Variants in UGT1A10 observed in about 807,000 individuals in gnomAD.
UGT1A10 encodes UDP glucuronosyltransferase family 1 member A10, also known as UDP-glucuronosyltransferase 1A10.
In UGT1A10, 49 loss-of-function variants were observed where a neutral mutation model predicts 45.8. The observed-to-expected ratio is 1.07, with a 90% confidence interval of 0.85 to 1.36. The LOEUF (loss-of-function observed/expected upper bound fraction) is 1.36. UGT1A10 is among the 40% of genes most tolerant of loss of function. UGT1A10 has a pLI of 0.00. For synonymous variants in UGT1A10, 284 were observed against 249.7 expected, an observed-to-expected ratio of 1.14 and a Z score of -1.29; for missense variants, 745 against 668.6, an observed-to-expected ratio of 1.11 and a Z score of -1.26.
rs557040072 is a variant in UGT1A10 at position 233,724,531 on chromosome 2, C to A, written c.856-42503C>A. ...CCTCACCTCCCAGATGGGGTCTCGCCGGGCAGAGGCGCTCCTCACATCCCA... is the reference window on the plus strand; with the variant it reads ...CCTCACCTCCCAGATGGGGTCTCGCAGGGCAGAGGCGCTCCTCACATCCCA... On this transcript the variant is annotated intron_variant, in intron 1 of 4. Transcript: ENST00000344644. 8.8e-3 allele frequency among the ~76,000 whole-genome samples: 1,074 copies of A among 121,634 alleles called. 62 individuals carry two copies. Among genetic ancestry groups the A allele is most frequent in the African/African-American group, 0.033 (990 of 29,780 alleles). 79.8% of individuals were successfully genotyped at this position (121,634 alleles called of 152,430 possible). A position where few individuals can be genotyped will look rare whatever the true frequency, so the allele number is the denominator to read the frequency against.
intron 1 of UGT1A10, chr2:233,692,742 A>T: frequency 9.6e-7 from 1 of 1,038,220 alleles, no homozygotes. Flanking sequence ...AGAGAGGGAG[A>T]AGCAGACTTG....
At chr2:233,661,729 C>T (rs1191852068) in intron 1 of UGT1A10, among the ~76,000 whole-genome samples, 10 of 134,838 alleles carry the variant, frequency 7.4e-5, no homozygotes, top group East Asian at 6.6e-4. Flanking sequence ...TTTTAATGAT[C>T]GCCAACCACA....
chr2:233,653,066 C>T (rs544006947), intron 1 of UGT1A10, among the ~76,000 whole-genome samples: 1 of 152,264 alleles, frequency 6.6e-6, no homozygotes, highest in African/African-American at 2.4e-5. Flanking sequence ...CATGTACGTG[C>T]CTGACATGGA....
intron 1 of UGT1A10, chr2:233,718,998 G>A: frequency 1.9e-6 from 3 of 1,614,266 alleles, no homozygotes; most frequent in Non-Finnish European, 2.5e-6. Flanking sequence ...CCAGGCGGTG[G>A]TCCTCACCCC....
Position 233,767,220 on chromosome 2 carries a change from C to T in UGT1A10, c.987+55C>T. 2.5e-6 allele frequency: 4 copies of T among 1,611,656 alleles called. No individual in the cohort carries two copies. In the South Asian group the frequency reaches 4.4e-5, roughly 18 times the overall value. ...TCTATTTTCACAGGAGCGCTAATCC[C>T]AGACTTCCAGCTTCCAGATTAATTC... On this transcript the variant is annotated intron_variant, in intron 2 of 4. Coordinates refer to ENST00000344644, the MANE Select transcript of UGT1A10 (RefSeq NM_019075.4).
rs45516494 is a variant in UGT1A10 at position 233,719,303 on chromosome 2, G to A, written c.856-47731G>A. 3.5e-4 allele frequency: 567 copies of A among 1,613,968 alleles called. 2 individuals carry two copies. In the African/African-American group the frequency reaches 6.9e-3, roughly 20 times the overall value. ...CCGTTAACCTCTGTGGGGCGGTGCTGGCTAAGTACCTGTCGATTCCTGCTG... is the reference window on the plus strand; with the variant it reads ...CCGTTAACCTCTGTGGGGCGGTGCTAGCTAAGTACCTGTCGATTCCTGCTG... On this transcript the variant is annotated intron_variant, in intron 1 of 4. Transcript: ENST00000344644.
intron 1 of UGT1A10, chr2:233,744,109 G>C: frequency 2.5e-6 from 1 of 395,016 alleles, no homozygotes; most frequent in Non-Finnish European, 4.6e-6. Context: ...GACTGGCCCT[G>C]CTCTCTGTGA....
intron 1 of UGT1A10, among the ~76,000 whole-genome samples, chr2:233,739,926 A>G (rs1487240865): frequency 2.0e-5 from 3 of 151,650 alleles, no homozygotes; most frequent in Non-Finnish European, 4.4e-5. Context: ...CATAATCCCC[A>G]TGTGTTAAGG....
At chr2:233,665,840 A>G (rs1368608687) in intron 1 of UGT1A10, among the ~76,000 whole-genome samples, 1 of 152,204 alleles carries the variant, frequency 6.6e-6, no homozygotes, top group Non-Finnish European at 1.5e-5. Flanking sequence ...GTGTATGGTT[A>G]CCTTTTTAAG....
At chr2:233,641,598 G>C (rs1442262902) in intron 1 of UGT1A10, among the ~76,000 whole-genome samples, 1 of 152,176 alleles carries the variant, frequency 6.6e-6, no homozygotes, top group African/African-American at 2.4e-5. Flanking sequence ...ACTATTACCA[G>C]TGAGTTTTGT....
chr2:233,728,301 G>T (rs1339327162), intron 1 of UGT1A10, among the ~76,000 whole-genome samples: 6 of 152,216 alleles, frequency 3.9e-5, no homozygotes, highest in Non-Finnish European at 8.8e-5. Context: ...AATTCAGACT[G>T]TGCAAGATCT....
At chr2:233,705,132 G>A (rs1332682546) in intron 1 of UGT1A10, among the ~76,000 whole-genome samples, 13 of 103,146 alleles carry the variant, frequency 1.3e-4, no homozygotes, top group Non-Finnish European at 2.0e-4. Flanking sequence ...GCGAGACTTC[G>A]TCTGAAAAAA....
At chr2:233,645,489 C>T (rs2073575924) in intron 1 of UGT1A10, among the ~76,000 whole-genome samples, 2 of 152,188 alleles carry the variant, frequency 1.3e-5, no homozygotes, top group Admixed American at 1.3e-4. Flanking sequence ...CACCTATGGG[C>T]CTGTAAAATC....
intron 1 of UGT1A10, chr2:233,681,963 T>C: frequency 6.2e-7 from 1 of 1,614,084 alleles, no homozygotes; most frequent in South Asian, 1.1e-5. Flanking sequence ...TGGACTGGCC[T>C]CCTTCCCCTA....
intron 1 of UGT1A10, chr2:233,672,272 A>AC (rs1198724150): frequency 6.2e-7 from 1 of 1,614,138 alleles, no homozygotes; most frequent in Non-Finnish European, 8.5e-7. Flanking sequence ...ATGGGTTCAT[A>AC]CAATGACATT....
rs199786512 is a variant in UGT1A10 at position 233,769,592 on chromosome 2, C to A, written c.1295+1153C>A. The A allele has an allele frequency of 6.2e-7, 1 of 1,612,706 alleles. No homozygotes were observed. The highest frequency in any genetic ancestry group is 1.3e-5 in the African/African-American group (1 of 74,904). On this transcript the variant is annotated intron_variant, in intron 4 of 4. Coordinates refer to ENST00000344644, the MANE Select transcript of UGT1A10 (RefSeq NM_019075.4). The surrounding 1 kb of genome is among the most constrained non-coding windows in gnomAD (Gnocchi z 4.4). Reference sequence around the variant, plus strand: ...TGGAGCATGTTCAGATGAGAGGAGACGGAACACGGGGACACACCAGCTTGA... The same window carrying A: ...TGGAGCATGTTCAGATGAGAGGAGAAGGAACACGGGGACACACCAGCTTGA...
chr2:233,713,112 T>A, intron 1 of UGT1A10: 3 of 1,614,212 alleles, frequency 1.9e-6, no homozygotes, highest in Non-Finnish European at 2.5e-6. Flanking sequence ...TGGCAGCCAC[T>A]GGCTCAGCAT....
At chr2:233,690,816 C>CA in intron 1 of UGT1A10, 1 of 1,075,614 alleles carries the variant, frequency 9.3e-7, no homozygotes, top group Non-Finnish European at 1.1e-6. Context: ...TTAGTACAGT[C>CA]AAAGCTCACA....
At chr2:233,726,039 A>T (rs544093615) in intron 1 of UGT1A10, among the ~76,000 whole-genome samples, 9 of 152,100 alleles carry the variant, frequency 5.9e-5, no homozygotes, top group Admixed American at 1.3e-4. Flanking sequence ...GATGGCGCAC[A>T]CCTGTGGTCC....
Sources: gnomAD v4.1 joint callset for allele counts (sites outside exome capture counted in the v4.1 genomes callset) on GRCh38, gnomAD v4.1.1 for gene constraint, Gnocchi (gnomAD v3.1) non-coding constraint, MANE v1.5 for transcripts, NCBI Gene and HGNC (gene_info 2026-07-23, HGNC 2026-07-21) for gene names.